ABHD2: variants seen among roughly 807,000 people sequenced by gnomAD.
ABHD2 encodes the protein monoacylglycerol lipase ABHD2.
Under a neutral mutation model 48.1 loss-of-function variants are expected in ABHD2, and 20 were observed. The ratio of observed to expected loss-of-function variants is 0.42; its 90% CI spans 0.29 to 0.60. ABHD2 has a LOEUF of 0.60. Ranked by LOEUF, ABHD2 falls within the 20% of genes least tolerant of loss-of-function variation. The pLI is 0.24. For missense variants in ABHD2, 405 were observed against 550.9 expected, an observed-to-expected ratio of 0.74 and a Z score of 2.65; for synonymous variants, 209 against 214.2, an observed-to-expected ratio of 0.98 and a Z score of 0.21.
chr15:89,169,033 C>T (rs1369507043), intron 5 of ABHD2, among the ~76,000 whole-genome samples: 1 of 152,090 alleles, frequency 6.6e-6, no homozygotes, highest in East Asian at 1.9e-4. Context: ...GTCAAGGCTG[C>T]AGTGAGCCAT....
the ABHD2 span, among the ~76,000 whole-genome samples, chr15:89,048,325 C>T: frequency 2.6e-5 from 4 of 152,140 alleles, no homozygotes; most frequent in South Asian, 2.1e-4. Flanking sequence ...TCTGGCTGCC[C>T]TTAACATTTT....
intron 1 of ABHD2, among the ~76,000 whole-genome samples, chr15:89,101,710 G>C (rs773461104): frequency 2.0e-5 from 3 of 152,182 alleles, no homozygotes; most frequent in Non-Finnish European, 2.9e-5. Flanking sequence ...AGTTATAGAG[G>C]GTGGTTACAC....
At chr15:89,158,695 G>A (rs2050713515) in intron 5 of ABHD2, among the ~76,000 whole-genome samples, 1 of 152,042 alleles carries the variant, frequency 6.6e-6, no homozygotes, top group South Asian at 2.1e-4. Context: ...TGTATGTTAG[G>A]TTCATTCTTT....
chr15:89,072,881 A>G, the ABHD2 span, among the ~76,000 whole-genome samples: 1 of 152,196 alleles, frequency 6.6e-6, no homozygotes, highest in East Asian at 1.9e-4. Context: ...TCAGATAAAC[A>G]ATACATAATT....
chr15:89,187,292 A>C (rs933530448), intron 7 of ABHD2, among the ~76,000 whole-genome samples: 1 of 152,228 alleles, frequency 6.6e-6, no homozygotes, highest in Non-Finnish European at 1.5e-5. Flanking sequence ...ACATTTTTCA[A>C]ATTTACTACA....
intron 1 of ABHD2, among the ~76,000 whole-genome samples, chr15:89,101,453 A>G (rs1011240220): frequency 1.3e-5 from 2 of 152,220 alleles, no homozygotes; most frequent in Non-Finnish European, 2.9e-5. Context: ...TCTCCGCCCA[A>G]TGTAATAATC....
the ABHD2 span, chr15:89,041,329 T>C: frequency 2.0e-5 from 3 of 152,148 alleles, no homozygotes; most frequent in Admixed American, 2.0e-4. Flanking sequence ...AGCCACGAAG[T>C]TTAGAGGTGG....
the ABHD2 span, among the ~76,000 whole-genome samples, chr15:89,041,574 G>A: frequency 6.6e-6 from 1 of 152,204 alleles, no homozygotes; most frequent in African/African-American, 2.4e-5. Context: ...ATCCGGCCTT[G>A]GCTATTCATT....
rs1164012660 is a variant in ABHD2 at position 89,198,171 on chromosome 15, A to G, written c.*2748A>G. ...AGTAAGGTTCTATTTGGGCTAAAAC[A>G]AGGCTGAATTTTTAAAGAGTATTTG... On this transcript the variant is annotated 3_prime_UTR_variant, in exon 11 of 11. Coordinates refer to ENST00000352732, the MANE Select transcript of ABHD2 (RefSeq NM_152924.5). The surrounding 1 kb of genome is among the most constrained non-coding windows in gnomAD (Gnocchi z 5.1). The G allele has an allele frequency of 1.3e-5, 2 of 152,222 alleles. No individual in the cohort carries two copies. Among genetic ancestry groups the G allele is most frequent in the African/African-American group, 4.8e-5 (2 of 41,454 alleles). The allele number at this position is 152,222 out of a possible 1,614,324, so 9.4% of individuals were successfully genotyped here. A position where few individuals can be genotyped will look rare whatever the true frequency, so the allele number is the denominator to read the frequency against.
chr15:89,178,298 A>G (rs2051049920), intron 6 of ABHD2, among the ~76,000 whole-genome samples: 2 of 152,230 alleles, frequency 1.3e-5, no homozygotes, highest in South Asian at 4.1e-4. Context: ...TATGGAATAA[A>G]TGGAGCACAG....
chr15:89,098,030 A>G (rs1412794960), intron 1 of ABHD2, among the ~76,000 whole-genome samples: 2 of 152,034 alleles, frequency 1.3e-5, no homozygotes, highest in African/African-American at 2.4e-5. Flanking sequence ...AGTTAGGACT[A>G]CATCACACCC....
chr15:89,048,908 A>ATTCTCCGTCTAGC, the ABHD2 span, among the ~76,000 whole-genome samples: 1 of 122,356 alleles, frequency 8.2e-6, no homozygotes. Flanking sequence ...CGTCAAAGTC[A>ATTCTCCGTCTAGC]TTTGTTCCGT....
At chr15:89,117,059 T>C (rs2049972054) in intron 3 of ABHD2, among the ~76,000 whole-genome samples, 1 of 152,138 alleles carries the variant, frequency 6.6e-6, no homozygotes, top group South Asian at 2.1e-4. Flanking sequence ...AGAGTCTTGC[T>C]CAGTCACTCA....
chr15:89,043,593 G>A, the ABHD2 span, among the ~76,000 whole-genome samples: 1 of 146,854 alleles, frequency 6.8e-6, no homozygotes, highest in African/African-American at 2.5e-5. Context: ...GAGGAAGAAG[G>A]AGGAGGAGAG....
At chr15:89,126,081 A>C (rs919984162) in intron 3 of ABHD2, among the ~76,000 whole-genome samples, 8 of 152,184 alleles carry the variant, frequency 5.3e-5, no homozygotes, top group African/African-American at 1.9e-4. Flanking sequence ...ATACCGCCCT[A>C]TTCATCATAC....
At chr15:89,067,929 A>G in the ABHD2 span, among the ~76,000 whole-genome samples, 25,166 of 152,194 alleles carry the variant, frequency 0.17, 2,281 homozygotes, top group Middle Eastern at 0.22. Flanking sequence ...TCAATAAACC[A>G]GTGAATGATC....
chr15:89,154,571 A>G (rs2050641415), intron 4 of ABHD2, among the ~76,000 whole-genome samples: 1 of 152,196 alleles, frequency 6.6e-6, no homozygotes. Context: ...GTGTGATTCC[A>G]AGATAGTGGA....
intron 3 of ABHD2, among the ~76,000 whole-genome samples, chr15:89,129,024 T>C (rs529695015): frequency 6.6e-6 from 1 of 152,278 alleles, no homozygotes; most frequent in East Asian, 1.9e-4. Flanking sequence ...GTTGAGAGAA[T>C]AGAATCATTG....
chr15:89,162,491 A>G (rs1389699708), intron 5 of ABHD2, among the ~76,000 whole-genome samples: 1 of 152,098 alleles, frequency 6.6e-6, no homozygotes, highest in Admixed American at 6.5e-5. Context: ...GCAGTCCACC[A>G]TCAGGCCCCC....
Sources: gnomAD v4.1 joint callset for allele counts (sites outside exome capture counted in the v4.1 genomes callset) on GRCh38, gnomAD v4.1.1 for gene constraint, Gnocchi (gnomAD v3.1) non-coding constraint, MANE v1.5 for transcripts, NCBI Gene and HGNC (gene_info 2026-07-23, HGNC 2026-07-21) for gene names.